CASTOR2: variants seen among roughly 807,000 people sequenced by gnomAD.
CASTOR2 encodes GATS protein like 2.
A neutral mutation model predicts 31.2 loss-of-function variants in CASTOR2; 8 were observed. That is an observed-to-expected ratio of 0.26 (90% CI 0.15 to 0.46). CASTOR2 has a LOEUF of 0.46. Among genes scored for constraint, CASTOR2 ranks in the 20% least tolerant of loss-of-function variants. CASTOR2 has a pLI of 0.99. For missense variants in CASTOR2, 216 were observed against 382.1 expected (o/e 0.57, Z 3.62); for synonymous variants, 162 against 158.7 (o/e 1.02, Z -0.16).
intron 1 of CASTOR2, among the ~76,000 whole-genome samples, chr7:74,993,357 G>A (rs1176282629): frequency 2.1e-4 from 32 of 151,914 alleles, no homozygotes; most frequent in Non-Finnish European, 4.1e-4. Context: ...ACTGGAGGAG[G>A]CAACAAAAAT....
At chr7:75,022,011 A>C in intron 7 of CASTOR2, 55 bp downstream of exon 7, 1 of 1,544,984 alleles carries the variant, frequency 6.5e-7, no homozygotes, top group African/African-American at 1.4e-5. Flanking sequence ...TGCTGAGCCC[A>C]TTCACATACG....
chr7:75,027,787 C>T lies in CASTOR2; in HGVS notation c.*3088C>T. 5.4e-6 allele frequency: 3 copies of T among 555,652 alleles called. No homozygotes were observed. Among genetic ancestry groups the T allele is most frequent in the Non-Finnish European group, 6.4e-6 (2 of 311,500 alleles). 34.4% of individuals were successfully genotyped at this position (555,652 alleles called of 1,614,324 possible). The stretch of plus-strand genomic sequence containing the variant: ...GCTCGTGTAAAGCTTGGTTTATCTT[C>T]TCGGCGTTCTGTGTGTAGCGTAGTC... On this transcript the variant is annotated 3_prime_UTR_variant, in exon 9 of 9. Transcript: ENST00000616305.
In CASTOR2 at chr7:75,017,770, G is replaced by A. The variant is rs1395734695; in HGVS notation, c.357G>A (p.Thr119=). 1.7e-3 allele frequency: 2,739 copies of A among 1,614,006 alleles called. 5 individuals carry two copies. Among genetic ancestry groups the A allele is most frequent in the Non-Finnish European group, 2.1e-3 (2,423 of 1,179,884 alleles). ...DQNISVFMLS[T]YQTDFILVRE... ...ACATATCCGTGTTCATGCTGTCCACGTATCAGACAGACTTCATCCTGGTGA... is the reference window on the plus strand; with the variant it reads ...ACATATCCGTGTTCATGCTGTCCACATATCAGACAGACTTCATCCTGGTGA... Residue 119 remains threonine, a synonymous_variant, in exon 3 of 9, where the codon ACG becomes ACA. Transcript: ENST00000616305.
intron 1 of CASTOR2, among the ~76,000 whole-genome samples, chr7:74,999,351 G>A (rs1804436983): frequency 1.3e-5 from 2 of 151,848 alleles, no homozygotes; most frequent in South Asian, 2.1e-4. Context: ...GTTCAGGATC[G>A]CCCTTCCAAT....
intron 6 of CASTOR2, among the ~76,000 whole-genome samples, chr7:75,021,379 G>A (rs1302860079): frequency 6.6e-6 from 1 of 152,024 alleles, no homozygotes; most frequent in Non-Finnish European, 1.5e-5. Flanking sequence ...TGCCAGTCTC[G>A]GCCTCCCAAA....
chr7:75,022,668 G>A (rs1244115625), intron 7 of CASTOR2, among the ~76,000 whole-genome samples: 8 of 146,048 alleles, frequency 5.5e-5, no homozygotes, highest in Admixed American at 4.1e-4. Flanking sequence ...GCACAGTGGC[G>A]TGCGCCTGTA....
At chr7:75,017,457 A>C (rs2131953802) in intron 2 of CASTOR2, 141 bp from the exon 3 acceptor site, 1 of 1,080,854 alleles carries the variant, frequency 9.3e-7, no homozygotes, top group East Asian at 2.6e-5. Flanking sequence ...CAAAAAAAAA[A>C]AATCCTGTTG....
chr7:74,966,012 G>A (rs1225455457), intron 1 of CASTOR2, among the ~76,000 whole-genome samples: 3 of 2,642 alleles, frequency 1.1e-3, no homozygotes, highest in Admixed American at 6.9e-3. Context: ...AGCCTGAGCC[G>A]AGGGGAGTGT....
intron 1 of CASTOR2, among the ~76,000 whole-genome samples, chr7:74,992,589 GCCACCATGC>G (rs1804238010): frequency 6.6e-6 from 1 of 152,078 alleles, no homozygotes; most frequent in South Asian, 2.1e-4. Flanking sequence ...ACAGGTGCAG[GCCACCATGC>G]CCAGCTATTT....
chr7:75,000,839 T>C (rs1804477495), intron 1 of CASTOR2, among the ~76,000 whole-genome samples: 1 of 152,048 alleles, frequency 6.6e-6, no homozygotes, highest in Non-Finnish European at 1.5e-5. Context: ...GTATTTTTAG[T>C]AGAGGTAGAG....
chr7:74,983,506 T>TA (rs1233092433), intron 1 of CASTOR2, among the ~76,000 whole-genome samples: 1 of 147,804 alleles, frequency 6.8e-6, no homozygotes, highest in Non-Finnish European at 1.5e-5. Context: ...GCACCCACGT[T>TA]ATAGGGCTGT....
intron 6 of CASTOR2, 48 bp downstream of exon 6, chr7:75,020,197 G>C: frequency 6.6e-7 from 1 of 1,508,510 alleles, no homozygotes; most frequent in Non-Finnish European, 9.0e-7. Flanking sequence ...GGGCCCCAGG[G>C]TCTGGGGGGA....
chr7:74,986,225 C>T (rs1463712402), intron 1 of CASTOR2, among the ~76,000 whole-genome samples: 4 of 146,730 alleles, frequency 2.7e-5, no homozygotes, highest in East Asian at 2.1e-4. Flanking sequence ...CTGCCACACC[C>T]AGCTGGATAC....
chr7:75,009,561 C>T (rs1385609780), intron 2 of CASTOR2, among the ~76,000 whole-genome samples: 2 of 152,010 alleles, frequency 1.3e-5, no homozygotes, highest in Non-Finnish European at 2.9e-5. Flanking sequence ...AGCCACCGCG[C>T]CCGGCCCTGA....
At chr7:74,999,601 CTTTTTTTTTTTTTTTTTTTT>C (rs1158456043) in intron 1 of CASTOR2, among the ~76,000 whole-genome samples, 5 of 45,758 alleles carry the variant, frequency 1.1e-4, no homozygotes, top group African/African-American at 3.8e-4. Context: ...TCACTCACTG[CTTTTTTTTTTTTTTTTTTTT>C]TTTTTTTTTT....
intron 2 of CASTOR2, among the ~76,000 whole-genome samples, chr7:75,008,873 C>G (rs1382525427): frequency 1.1e-3 from 173 of 152,172 alleles, no homozygotes; most frequent in African/African-American, 4.1e-3. Context: ...TTGCTTAAAC[C>G]CAGGAGTTTG....
Position 75,017,780 on chromosome 7 carries a change from G to T in CASTOR2, c.367G>T (p.Asp123Tyr). The T allele has an allele frequency of 6.2e-7, 1 of 1,613,888 alleles. No individual in the cohort carries two copies. The highest frequency in any genetic ancestry group is 8.5e-7 in the Non-Finnish European group (1 of 1,179,896). ...GTTCATGCTGTCCACGTATCAGACAGACTTCATCCTGGTGAGCTGACCATC... is the reference window on the plus strand; with the variant it reads ...GTTCATGCTGTCCACGTATCAGACATACTTCATCCTGGTGAGCTGACCATC... ...SVFMLSTYQT[D>Y]FILVRERDLP... Residue 123 changes from aspartate (D) to tyrosine (Y), a missense_variant, in exon 3 of 9, where the codon GAC becomes TAC. Asp to Tyr is a radical substitution (Grantham distance 160, BLOSUM62 -3). This residue lies in a region of CASTOR2 where 114 missense variants were observed against 194.2 expected (regional missense o/e 0.59). Transcript: ENST00000616305.
At chr7:75,015,699 T>A (rs1161939708) in intron 2 of CASTOR2, among the ~76,000 whole-genome samples, 2 of 152,302 alleles carry the variant, frequency 1.3e-5, no homozygotes, top group East Asian at 3.9e-4. Flanking sequence ...TGTTACTTCC[T>A]AAGTGATCTT....
intron 1 of CASTOR2, among the ~76,000 whole-genome samples, chr7:74,998,744 T>G (rs1804418463): frequency 6.6e-6 from 1 of 151,700 alleles, no homozygotes; most frequent in Non-Finnish European, 1.5e-5. Context: ...AGATCCAAAA[T>G]CAGTGATTAT....
Sources: gnomAD v4.1 joint callset for allele counts (sites outside exome capture counted in the v4.1 genomes callset) on GRCh38, gnomAD v4.1.1 for gene constraint, gnomAD v4.1.1 regional missense constraint, MANE v1.5 for transcripts, NCBI Gene and HGNC (gene_info 2026-07-23, HGNC 2026-07-21) for gene names.